PSMB5: variants seen among roughly 807,000 people sequenced by gnomAD.
The protein encoded by PSMB5 is proteasome 20S subunit beta 5, also known as proteasome subunit beta type-5.
Under a neutral mutation model 22.8 loss-of-function variants are expected in PSMB5, and 2 were observed. The ratio of observed to expected loss-of-function variants is 0.09; its 90% CI spans 0.04 to 0.28. The LOEUF is 0.28. Ranked by LOEUF, PSMB5 falls within the 10% of genes least tolerant of loss-of-function variation. PSMB5 has a pLI of 1.00. For missense variants in PSMB5, 269 were observed against 343.8 expected, an observed-to-expected ratio of 0.78 and a Z score of 1.72; for synonymous variants, 133 against 135.3, an observed-to-expected ratio of 0.98 and a Z score of 0.12.
chr14:23,033,347 T>A (rs1263855541), intron 2 of PSMB5, 21 bp downstream of exon 2: 5 of 1,598,168 alleles, frequency 3.1e-6, no homozygotes, highest in African/African-American at 1.3e-5. Flanking sequence ...CCAAGGATCA[T>A]GTGGTTGCAG....
At chr14:23,027,188 C>T (rs1422256978) in intron 2 of PSMB5, among the ~76,000 whole-genome samples, 1 of 151,650 alleles carries the variant, frequency 6.6e-6, no homozygotes, top group Non-Finnish European at 1.5e-5. Context: ...CGAGATCATC[C>T]TGGCTAACAC....
At chr14:23,026,488 TGCCCAA>T in intron 2 of PSMB5, 113 bp from the exon 3 acceptor site, 4 of 1,426,174 alleles carry the variant, frequency 2.8e-6, no homozygotes, top group Non-Finnish European at 3.7e-6. Flanking sequence ...TTGCTCTTGT[TGCCCAA>T]GCTAGAGTGC....
intron 2 of PSMB5, among the ~76,000 whole-genome samples, chr14:23,028,950 G>A (rs915513755): frequency 4.6e-5 from 7 of 152,074 alleles, no homozygotes; most frequent in East Asian, 1.9e-4. Flanking sequence ...ACAAACCCAC[G>A]CTTCCTCCTG....
upstream of PSMB5, chr14:23,035,068 G>C (rs59678578): frequency 3.1e-4 from 366 of 1,178,036 alleles, 2 homozygotes; most frequent in African/African-American, 4.9e-3. Flanking sequence ...AGGGGGTCGG[G>C]GAAATAGATG....
At chr14:23,034,553 C>T in intron 1 of PSMB5, 131 bp downstream of exon 1, 1 of 1,052,686 alleles carries the variant, frequency 9.5e-7, no homozygotes, top group Non-Finnish European at 1.3e-6. Context: ...AAAACTGCTG[C>T]GGTCCGAACG....
rs773975356 is a variant in PSMB5 at position 23,026,093 on chromosome 14, G to A, written c.788C>T (p.Pro263Leu). 4.3e-6 allele frequency: 7 copies of A among 1,613,610 alleles called. No homozygotes were observed. The East Asian group carries it at 1.1e-4, about 26-fold the overall frequency. ...DLHEKYSGST[P>L] ...AGCAGCTGCATCCACCCTCTTTCAG[G>A]GGGTAGAGCCACTATACTTCTCATG... Residue 263 changes from proline (P) to leucine (L), a missense_variant, in exon 3 of 3, where the codon CCC becomes CTC. Around this residue, in one of 3 missense-constraint regions of PSMB5, gnomAD observed 113 missense variants for 130.2 expected, o/e 0.87. Transcript: ENST00000361611.
upstream of PSMB5, chr14:23,035,184 A>C: frequency 5.5e-6 from 2 of 360,508 alleles, no homozygotes; most frequent in Non-Finnish European, 1.0e-5. Flanking sequence ...AGTGACTGAA[A>C]ACGTCCATGT....
At chr14:23,034,985 A>G (rs2046981636), upstream of PSMB5, 2 of 1,454,696 alleles carry the variant, frequency 1.4e-6, no homozygotes, top group East Asian at 5.0e-5. Context: ...CTATTCCGGA[A>G]TGGAGCCATT....
intron 2 of PSMB5, chr14:23,027,686 T>C: frequency 8.0e-7 from 1 of 1,247,600 alleles, no homozygotes; most frequent in South Asian, 1.4e-5. Context: ...AAATTTAATA[T>C]TAAGACTCCA....
chr14:23,033,971 G>A (rs1156507307), intron 1 of PSMB5, among the ~76,000 whole-genome samples: 2 of 152,252 alleles, frequency 1.3e-5, no homozygotes, highest in African/African-American at 4.8e-5. Context: ...AGGTGCTGGA[G>A]ACCAGCCTGG....
intron 2 of PSMB5, among the ~76,000 whole-genome samples, chr14:23,028,486 G>A (rs902148733): frequency 1.3e-5 from 2 of 152,148 alleles, no homozygotes; most frequent in Non-Finnish European, 2.9e-5. Context: ...GATTTATTAG[G>A]TTAAACAAAA....
chr14:23,029,176 C>T (rs2046936129), intron 2 of PSMB5, among the ~76,000 whole-genome samples: 1 of 152,122 alleles, frequency 6.6e-6, no homozygotes. Context: ...GCTTGAGCAC[C>T]TCTGCCCTTA....
At chr14:23,035,135 C>T (rs2046982887), upstream of PSMB5, 1 of 586,812 alleles carries the variant, frequency 1.7e-6, no homozygotes, top group Non-Finnish European at 2.8e-6. Context: ...TTTGGTCATG[C>T]AAGTAGTCCT....
chr14:23,034,534 T>G (rs748788352), intron 1 of PSMB5, 150 bp downstream of exon 1: 50 of 900,274 alleles, frequency 5.6e-5, no homozygotes, highest in Non-Finnish European at 7.4e-5. Flanking sequence ...CCTGGGCCAA[T>G]GAGACAGCAA....
intron 2 of PSMB5, among the ~76,000 whole-genome samples, chr14:23,029,971 T>C (rs1178666132): frequency 4.0e-5 from 6 of 151,812 alleles, no homozygotes; most frequent in African/African-American, 7.3e-5. Context: ...TTAGTAGAGA[T>C]GGGGTTTCAC....
intron 2 of PSMB5, chr14:23,027,651 GA>G (rs59941562): frequency 0.056 from 39,222 of 699,260 alleles, no homozygotes; most frequent in South Asian, 0.07. Flanking sequence ...CTGTCTTCAG[GA>G]AAAAAAAAAA....
chr14:23,027,533 A>G (rs2046924768), intron 2 of PSMB5, among the ~76,000 whole-genome samples: 1 of 150,970 alleles, frequency 6.6e-6, no homozygotes, highest in Non-Finnish European at 1.5e-5. Context: ...GTGGTGGTGC[A>G]TGTCTGTGGG....
rs531757676 is a variant in PSMB5, at chr14:23,032,916, CTTTTTTT to C, written c.505+445_505+451del. Among the ~76,000 whole-genome samples, 4 of 129,986 alleles carry C rather than the reference CTTTTTTT, an allele frequency of 3.1e-5. No individual in the cohort carries two copies. The South Asian group carries it at 1.0e-3, about 33-fold the overall frequency. The allele number at this position is 129,986 out of a possible 152,430, so 85.3% of individuals were successfully genotyped here. On this transcript the variant is annotated intron_variant, in intron 2 of 2. Transcript: ENST00000361611. ...CCGGCCTTCAACGAATTCTTAAATT[CTTTTTTT>C]TGAGACAGAGTCTCACTCTGTCGCC... is the stretch of plus-strand genomic sequence containing the variant.
At chr14:23,033,807 A>G (rs2046971185) in intron 1 of PSMB5, 133 bp from the exon 2 acceptor site, 1 of 732,218 alleles carries the variant, frequency 1.4e-6, no homozygotes, top group Non-Finnish European at 2.2e-6. Context: ...GTATACTTCT[A>G]TACTTCACCA....
Sources: allele counts gnomAD v4.1 joint callset (sites outside exome capture counted in the v4.1 genomes callset), GRCh38; gene constraint gnomAD v4.1.1; regional missense constraint gnomAD v4.1.1; transcripts MANE v1.5; gene names NCBI Gene and HGNC (gene_info 2026-07-23, HGNC 2026-07-21).